CCDC124: variants seen among roughly 807,000 people sequenced by gnomAD.
CCDC124 encodes the protein coiled-coil domain-containing protein 124.
A neutral mutation model predicts 19.8 loss-of-function variants in CCDC124; 9 were observed. The observed-to-expected ratio is 0.45, with a 90% CI of 0.27 to 0.79. The LOEUF is 0.79. Ranked by LOEUF, CCDC124 falls within the 30% of genes least tolerant of loss-of-function variation. The pLI, the probability that CCDC124 is intolerant of heterozygous loss-of-function variation, is 0.14. For missense variants in CCDC124, 285 were observed against 319.0 expected (o/e 0.89, Z 0.81); for synonymous variants, 126 against 131.3 (o/e 0.96, Z 0.27).
In CCDC124 at chr19:17,933,019, G is replaced by C. The variant is rs1449040671; in HGVS notation, c.-41G>C. On this transcript the variant is annotated 5_prime_UTR_variant, in exon 1 of 5. Coordinates refer to ENST00000445755, the MANE Select transcript of CCDC124 (RefSeq NM_001136203.2). ...CAGGCCCCATGATGACGTCACGGAG[G>C]CGCGACCGGGCCGGCGCTGGGGTAA... The C allele has an allele frequency of 6.6e-6, 1 of 152,230 alleles. No individual in the cohort carries two copies. 9.4% of individuals were successfully genotyped at this position (152,230 alleles called of 1,614,324 possible).
At chr19:17,943,110 G>A in intron 3 of CCDC124, 151 bp from the exon 4 acceptor site, 1 of 763,060 alleles carries the variant, frequency 1.3e-6, no homozygotes, top group Non-Finnish European at 2.2e-6. Context: ...TCCCAAGAGG[G>A]CTTATCAGCT....
intron 2 of CCDC124, among the ~76,000 whole-genome samples, chr19:17,941,776 TA>T (rs2031187583): frequency 6.6e-6 from 1 of 152,134 alleles, no homozygotes; most frequent in South Asian, 2.1e-4. Context: ...CTGTCAAATC[TA>T]TCTGGAGATG....
chr19:17,943,241 T>TCGGGGGGGGGGGCCCCCC lies in CCDC124; in HGVS notation c.350-19_350-18insGGGGGGGGGGGCCCCCCC. On this transcript the variant is annotated intron_variant, in intron 3 of 4. Transcript: ENST00000445755. ...CTTTGCTTATCTCTCTCTGTCTCTG[T>TCGGGGGGGGGGGCCCCCC]CACCCACCCACCCGCCCAGCCGAGA... 1 of 736,678 alleles carries TCGGGGGGGGGGGCCCCCC rather than the reference T, an allele frequency of 1.4e-6. No individual in the cohort carries two copies. The highest frequency in any genetic ancestry group is 1.5e-5 in the South Asian group (1 of 68,030). The allele number at this position is 736,678 out of a possible 1,614,324, so 45.6% of individuals were successfully genotyped here. A position where few individuals can be genotyped will look rare whatever the true frequency, so the allele number is the denominator to read the frequency against.
Position 17,943,242 on chromosome 19 carries a change from C to CTGGGGGG in CCDC124, c.350-19_350-18insTGGGGGG. The CTGGGGGG allele has an allele frequency of 1.4e-6, 1 of 734,670 alleles. No homozygotes were observed. Among genetic ancestry groups the CTGGGGGG allele is most frequent in the Admixed American group, 2.1e-5 (1 of 48,030 alleles). The allele number at this position is 734,670 out of a possible 1,614,324, so 45.5% of individuals were successfully genotyped here. ...TTTGCTTATCTCTCTCTGTCTCTGT[C>CTGGGGGG]ACCCACCCACCCGCCCAGCCGAGAA... On this transcript the variant is annotated intron_variant, in intron 3 of 4. Coordinates refer to ENST00000445755, the MANE Select transcript of CCDC124 (RefSeq NM_001136203.2).
chr19:17,941,684 T>C (rs537180845), intron 2 of CCDC124, among the ~76,000 whole-genome samples: 73 of 152,232 alleles, frequency 4.8e-4, no homozygotes, highest in African/African-American at 1.7e-3. Context: ...CCCCTCCACT[T>C]TCCTGCTGTG....
chr19:17,936,350 G>T (rs1043673757), intron 1 of CCDC124, 60 bp from the exon 2 acceptor site: 2 of 1,402,396 alleles, frequency 1.4e-6, no homozygotes, highest in African/African-American at 2.8e-5. Context: ...GATTCTGGGG[G>T]TGCTGAGTGC....
chr19:17,936,361 C>T (rs771168384), intron 1 of CCDC124, 49 bp from the exon 2 acceptor site: 13 of 1,482,768 alleles, frequency 8.8e-6, no homozygotes, highest in East Asian at 4.7e-5. Flanking sequence ...TGCTGAGTGC[C>T]GATGTCCCCT....
At position 17,937,605 on chromosome 19, in the gene CCDC124, G is replaced by T. The variant is rs373492960; in HGVS notation, c.159+1026G>T. On this transcript the variant is annotated intron_variant, in intron 2 of 4. Coordinates refer to ENST00000445755, the MANE Select transcript of CCDC124 (RefSeq NM_001136203.2). The stretch of plus-strand genomic sequence containing the variant: ...AGATGCTGACACTCTAGAATGCACA[G>T]GACGCCCCCACAGCAAAGAATGAGC... 6.6e-5 allele frequency among the ~76,000 whole-genome samples: 10 copies of T among 152,238 alleles called. No individual in the cohort carries two copies. In the East Asian group the frequency reaches 1.9e-3, roughly 29 times the overall value.
At chr19:17,934,259 G>A (rs967396131) in intron 1 of CCDC124, among the ~76,000 whole-genome samples, 6 of 151,742 alleles carry the variant, frequency 4.0e-5, no homozygotes, top group Non-Finnish European at 8.8e-5. Context: ...GGTGGCAGGT[G>A]CCTGTAATCC....
chr19:17,936,697 G>A (rs2031073686), intron 2 of CCDC124, 118 bp downstream of exon 2: 4 of 1,307,662 alleles, frequency 3.1e-6, no homozygotes, highest in Non-Finnish European at 4.2e-6. Context: ...AAGGCCAGGA[G>A]GGACCAGGCG....
Position 17,942,335 on chromosome 19 carries a change from C to G in CCDC124, c.160-321C>G, listed in dbSNP as rs1267552163. Among the ~76,000 whole-genome samples, 7 of 152,166 alleles carry G rather than the reference C, an allele frequency of 4.6e-5. No homozygotes were observed. ...AAGCTGTTCCTGTTACAACAAATGG[C>G]TCCTGCCTCGGCGCCTTTGCACTGG... is the stretch of plus-strand genomic sequence containing the variant. On this transcript the variant is annotated intron_variant, in intron 2 of 4. Transcript: ENST00000445755. The surrounding 1 kb of genome is among the most constrained non-coding windows in gnomAD (Gnocchi z 4.2).
Position 17,942,916 on chromosome 19 carries a change from C to T in CCDC124, c.349+71C>T, listed in dbSNP as rs1047422995. The T allele has an allele frequency of 2.1e-6, 3 of 1,440,634 alleles. No homozygotes were observed. The highest frequency in any genetic ancestry group is 2.7e-6 in the Non-Finnish European group (3 of 1,092,964). The allele number at this position is 1,440,634 out of a possible 1,614,324, so 89.2% of individuals were successfully genotyped here. ...AGGCAGTGGACCTTGAGTCCATTAG[C>T]CCCCTCCTGGCCCCCAGAGAAGCTG... On this transcript the variant is annotated intron_variant, in intron 3 of 4. Transcript: ENST00000445755. The surrounding 1 kb of genome is among the most constrained non-coding windows in gnomAD (Gnocchi z 4.2).
Position 17,943,316 on chromosome 19 carries a change from C to T in CCDC124, c.405C>T (p.Arg135=), listed in dbSNP as rs992994146. The change falls in exon 4 of 5, where the codon CGC becomes CGT. Residue 135 remains arginine (R), a synonymous_variant. Coordinates refer to ENST00000445755, the MANE Select transcript of CCDC124 (RefSeq NM_001136203.2). ...EVPLEENVNR[R]VLEEGSVEAR... is the part of the protein sequence containing the mutation. ...CGCTGGAGGAGAACGTGAACCGCCGCGTGCTGGAGGAGGGCAGCGTGGAGG... is the reference window on the plus strand; with the variant it reads ...CGCTGGAGGAGAACGTGAACCGCCGTGTGCTGGAGGAGGGCAGCGTGGAGG... 25 of 1,597,064 alleles carry T rather than the reference C, an allele frequency of 1.6e-5. No individual in the cohort carries two copies. The highest frequency in any genetic ancestry group is 2.1e-5 in the Non-Finnish European group (25 of 1,175,626).
intron 2 of CCDC124, among the ~76,000 whole-genome samples, chr19:17,937,260 A>G (rs2031086370): frequency 6.6e-6 from 1 of 152,200 alleles, no homozygotes; most frequent in African/African-American, 2.4e-5. Context: ...CAACCTGGGC[A>G]ACAGAGTGAG....
At chr19:17,943,238 C>T in intron 3 of CCDC124, 23 bp from the exon 4 acceptor site, 1 of 728,492 alleles carries the variant, frequency 1.4e-6, no homozygotes, top group Non-Finnish European at 2.5e-6. Context: ...CTCTCTGTCT[C>T]TGTCACCCAC....
At chr19:17,943,120 TGAAGTCGCGATTCCA>T (rs2147782155) in intron 3 of CCDC124, 126 bp from the exon 4 acceptor site, 2 of 783,426 alleles carry the variant, frequency 2.6e-6, no homozygotes, top group South Asian at 3.3e-5. Flanking sequence ...GCTTATCAGC[TGAAGTCGCGATTCCA>T]TCCCCCCTCA....
Position 17,943,893 on chromosome 19 carries a change from T to C in CCDC124, c.*178T>C. Reference sequence around the variant, plus strand: ...CCCGCCAGAGGGTCCCTGCCCCGAGTGACACCCCATCCCCTCCCATCCCCC... The same window carrying C: ...CCCGCCAGAGGGTCCCTGCCCCGAGCGACACCCCATCCCCTCCCATCCCCC... On this transcript the variant is annotated 3_prime_UTR_variant, in exon 5 of 5. Coordinates refer to ENST00000445755, the MANE Select transcript of CCDC124 (RefSeq NM_001136203.2). 1.6e-6 allele frequency: 1 copy of C among 626,878 alleles called. No homozygotes were observed. Among genetic ancestry groups the C allele is most frequent in the Admixed American group, 2.9e-5 (1 of 34,618 alleles). The allele number at this position is 626,878 out of a possible 1,614,324, so 38.8% of individuals were successfully genotyped here.
intron 1 of CCDC124, 50 bp downstream of exon 1, chr19:17,933,098 G>C (rs1480299948): frequency 1.3e-5 from 2 of 152,722 alleles, no homozygotes; most frequent in Non-Finnish European, 2.9e-5. Context: ...GAGCAGAGGC[G>C]CGGGGCGGGG....
rs1018269545 is a variant in CCDC124 at position 17,934,499 on chromosome 19, C to T, written c.-12+1451C>T. On this transcript the variant is annotated intron_variant, in intron 1 of 4. Transcript: ENST00000445755. Reference sequence around the variant, plus strand: ...AGGAATATTCAGCCATAAAAAGGAACGAAGGGCCAGGCGCAGTGGCTCAGG... The same window carrying T: ...AGGAATATTCAGCCATAAAAAGGAATGAAGGGCCAGGCGCAGTGGCTCAGG... 8.6e-5 allele frequency among the ~76,000 whole-genome samples: 13 copies of T among 151,630 alleles called. No homozygotes were observed. The South Asian group carries it at 1.3e-3, about 15-fold the overall frequency.
Sources: gnomAD v4.1 joint callset for allele counts (sites outside exome capture counted in the v4.1 genomes callset) on GRCh38, gnomAD v4.1.1 for gene constraint, Gnocchi (gnomAD v3.1) non-coding constraint, MANE v1.5 for transcripts, NCBI Gene and HGNC (gene_info 2026-07-23, HGNC 2026-07-21) for gene names.